Variants in HPCAL1 observed in about 807,000 individuals in gnomAD.
HPCAL1 encodes hippocalcin-like protein 1.
Under a neutral mutation model 17.1 loss-of-function variants are expected in HPCAL1, and 8 were observed. The ratio of observed to expected loss-of-function variants is 0.47; its 90% CI spans 0.27 to 0.84. The LOEUF (loss-of-function observed/expected upper bound fraction) is 0.84, where lower values mean the gene tolerates loss of function less well. Ranked by LOEUF, HPCAL1 falls within the 40% of genes least tolerant of loss-of-function variation. The pLI, the probability that HPCAL1 is intolerant of heterozygous loss-of-function variation, is 0.13. For missense variants in HPCAL1, 165 were observed against 271.1 expected, an observed-to-expected ratio of 0.61 and a Z score of 2.75; for synonymous variants, 112 against 111.4, an observed-to-expected ratio of 1.01 and a Z score of -0.03.
chr2:10,374,088 G>A (rs2125519676), intron 1 of HPCAL1, among the ~76,000 whole-genome samples: 1 of 152,182 alleles, frequency 6.6e-6, no homozygotes, highest in East Asian at 1.9e-4. Context: ...CACAGGCAGC[G>A]GCTCTTGCTT....
At position 10,344,782 on chromosome 2, in the gene HPCAL1, CCTGA is replaced by C. The variant is rs1173194647; in HGVS notation, c.-111+41608_-111+41611del. Among the ~76,000 whole-genome samples, 1 of 150,538 alleles carries C rather than the reference CCTGA, an allele frequency of 6.6e-6. No homozygotes were observed. Among genetic ancestry groups the C allele is most frequent in the Non-Finnish European group, 1.5e-5 (1 of 67,504 alleles). Reference sequence around the variant, plus strand: ...CTTTCTGTGTGTGTCTCTCTCTGTGCCTGACTTTCTGTCTCTTTCTGCTTCTCTC... The same window carrying C: ...CTTTCTGTGTGTGTCTCTCTCTGTGCCTTTCTGTCTCTTTCTGCTTCTCTC... On this transcript the variant is annotated intron_variant, in intron 1 of 4. Coordinates refer to ENST00000307845, the MANE Select transcript of HPCAL1 (RefSeq NM_002149.4). The surrounding 1 kb of genome is among the most constrained non-coding windows in gnomAD (Gnocchi z 4.9).
chr2:10,368,752 G>A (rs942127475), intron 1 of HPCAL1: 1 of 152,240 alleles, frequency 6.6e-6, no homozygotes, highest in African/African-American at 2.4e-5. Flanking sequence ...GTGGGTGTGT[G>A]TTTGGGCTTG....
Position 10,419,398 on chromosome 2 carries a change from G to A in HPCAL1, c.-24-336G>A, listed in dbSNP as rs961992790. 6.6e-6 allele frequency among the ~76,000 whole-genome samples: 1 copy of A among 152,166 alleles called. No homozygotes were observed. The highest frequency in any genetic ancestry group is 1.5e-5 in the Non-Finnish European group (1 of 68,038). On this transcript the variant is annotated intron_variant, in intron 2 of 4. Coordinates refer to ENST00000307845, the MANE Select transcript of HPCAL1 (RefSeq NM_002149.4). The surrounding 1 kb of genome is among the most constrained non-coding windows in gnomAD (Gnocchi z 5.0). ...GAGCTGATGAGGGGGATGAAAGTAA[G>A]AACTGATTTTAATCTTCGCCTCTCG...
At chr2:10,409,791 T>C (rs1485004737) in intron 2 of HPCAL1, among the ~76,000 whole-genome samples, 2 of 134,266 alleles carry the variant, frequency 1.5e-5, no homozygotes, top group Non-Finnish European at 3.2e-5. Context: ...TTTTTTTTTT[T>C]TTTTTTTTTT....
intron 1 of HPCAL1, among the ~76,000 whole-genome samples, chr2:10,307,452 A>G (rs1662696618): frequency 6.6e-6 from 1 of 152,162 alleles, no homozygotes; most frequent in African/African-American, 2.4e-5. Flanking sequence ...ACATCTGTGC[A>G]TTGGCAGGTG....
rs556350278 is a variant in HPCAL1, at chr2:10,386,768, C to T, written c.-110-10067C>T. Among the ~76,000 whole-genome samples, 142 of 152,332 alleles carry T rather than the reference C, an allele frequency of 9.3e-4. 1 individual carries two copies. The highest frequency in any genetic ancestry group is 3.3e-3 in the African/African-American group (139 of 41,580). ...TCAGATGGCCAGCTGGAGCACCCCC[C>T]ACCAGCCCCGCTGCCTGGACCCCTT... On this transcript the variant is annotated intron_variant, in intron 1 of 4. Coordinates refer to ENST00000307845, the MANE Select transcript of HPCAL1 (RefSeq NM_002149.4).
intron 1 of HPCAL1, among the ~76,000 whole-genome samples, chr2:10,319,364 C>G (rs1362478036): frequency 6.6e-6 from 1 of 152,192 alleles, no homozygotes; most frequent in African/African-American, 2.4e-5. Flanking sequence ...GAGCATGCAG[C>G]CTCCTCCGTC....
At chr2:10,312,087 T>C (rs1295149018) in intron 1 of HPCAL1, among the ~76,000 whole-genome samples, 2 of 150,856 alleles carry the variant, frequency 1.3e-5, no homozygotes, top group Non-Finnish European at 3.0e-5. Context: ...ACCATCATTA[T>C]CACCATTCTC....
chr2:10,420,208 G>GTTT, intron 3 of HPCAL1, 73 bp downstream of exon 3: 10 of 734,104 alleles, frequency 1.4e-5, no homozygotes, highest in South Asian at 5.0e-5. Context: ...CCAGCCCAGG[G>GTTT]CTTTTTTTTT....
chr2:10,379,322 AGGT>A (rs1667792497), intron 1 of HPCAL1, among the ~76,000 whole-genome samples: 1 of 151,380 alleles, frequency 6.6e-6, no homozygotes, highest in African/African-American at 2.4e-5. Flanking sequence ...AGGATGAGCG[AGGT>A]GTTGCTTGTG....
At chr2:10,380,676 T>C (rs1393622087) in intron 1 of HPCAL1, among the ~76,000 whole-genome samples, 2 of 151,930 alleles carry the variant, frequency 1.3e-5, no homozygotes, top group Non-Finnish European at 2.9e-5. Flanking sequence ...TCTGCATGAC[T>C]ATTATTCACT....
intron 1 of HPCAL1, among the ~76,000 whole-genome samples, chr2:10,373,884 A>G (rs1281543742): frequency 6.6e-6 from 1 of 152,172 alleles, no homozygotes; most frequent in Admixed American, 6.5e-5. Context: ...GGTCTTTGGG[A>G]ACTTCTGGGC....
chr2:10,316,837 C>T (rs1385157832), intron 1 of HPCAL1, among the ~76,000 whole-genome samples: 3 of 152,160 alleles, frequency 2.0e-5, no homozygotes, highest in African/African-American at 7.2e-5. Flanking sequence ...TTATAGTCTA[C>T]TGTTCATATT....
intron 4 of HPCAL1, chr2:10,425,497 T>C (rs1440515420): frequency 6.6e-6 from 1 of 152,352 alleles, no homozygotes; most frequent in Non-Finnish European, 1.5e-5. Context: ...GCCAGTGGGC[T>C]GGAGGGGCTG....
At chr2:10,325,963 G>A (rs757095937) in intron 1 of HPCAL1, among the ~76,000 whole-genome samples, 3 of 152,226 alleles carry the variant, frequency 2.0e-5, no homozygotes, top group Non-Finnish European at 4.4e-5. Context: ...ACTCTATGCA[G>A]GAAATAGGCT....
intron 1 of HPCAL1, among the ~76,000 whole-genome samples, chr2:10,353,735 A>AT (rs1275930323): frequency 3.3e-5 from 5 of 152,074 alleles, no homozygotes; most frequent in African/African-American, 4.8e-5. Context: ...TGCCCGGCTA[A>AT]TTTTTTTGAG....
intron 2 of HPCAL1, among the ~76,000 whole-genome samples, chr2:10,411,458 A>G (rs1350148833): frequency 6.6e-6 from 1 of 152,160 alleles, no homozygotes; most frequent in African/African-American, 2.4e-5. Context: ...TGTGGCCTAC[A>G]GGGACTGGGC....
chr2:10,423,787 A>G (rs1974676), intron 4 of HPCAL1: 71,711 of 152,520 alleles, frequency 0.47, 17,416 homozygotes, highest in South Asian at 0.55. Context: ...ATAAAGAAAC[A>G]CGACCTTAAG....
At chr2:10,316,812 G>A (rs563191939) in intron 1 of HPCAL1, among the ~76,000 whole-genome samples, 1 of 152,226 alleles carries the variant, frequency 6.6e-6, no homozygotes, top group East Asian at 1.9e-4. Flanking sequence ...ATTAGATATT[G>A]AAAGAATCCC....
Sources: allele counts gnomAD v4.1 joint callset (sites outside exome capture counted in the v4.1 genomes callset), GRCh38; gene constraint gnomAD v4.1.1; non-coding constraint Gnocchi (gnomAD v3.1); transcripts MANE v1.5; gene names NCBI Gene and HGNC (gene_info 2026-07-23, HGNC 2026-07-21).